BTAF1: variants seen among roughly 807,000 people sequenced by gnomAD.
BTAF1 encodes the protein TATA-binding protein-associated factor 172.
Under a neutral mutation model 227.1 loss-of-function variants are expected in BTAF1, and 38 were observed. The observed-to-expected ratio is 0.17, with a 90% CI of 0.13 to 0.22. The LOEUF (loss-of-function observed/expected upper bound fraction) is 0.22. Ranked by LOEUF, BTAF1 falls within the 10% of genes least tolerant of loss-of-function variation. The pLI, the probability that BTAF1 is intolerant of heterozygous loss-of-function variation, is 1.00. For synonymous variants in BTAF1, 742 were observed against 751.9 expected, an observed-to-expected ratio of 0.99 and a Z score of 0.21; for missense variants, 1,598 against 2,204.0, an observed-to-expected ratio of 0.73 and a Z score of 5.51.
intron 14 of BTAF1, among the ~76,000 whole-genome samples, chr10:91,979,481 T>G (rs1168137187): frequency 6.6e-6 from 1 of 152,164 alleles, no homozygotes; most frequent in Non-Finnish European, 1.5e-5. Flanking sequence ...TGGCTACAAA[T>G]TATAGGTAGC....
At position 92,014,041 on chromosome 10, in the gene BTAF1, C is replaced by A; in HGVS notation, c.4584+12C>A. ...TTAGTCCTCTCCAGGTTAGGAATCT[C>A]GTGTTTATCATTGTTAGTGGTATGT... On this transcript the variant is annotated intron_variant, in intron 32 of 37. Coordinates refer to ENST00000265990, the MANE Select transcript of BTAF1 (RefSeq NM_003972.3). 1.2e-6 allele frequency: 2 copies of A among 1,602,278 alleles called. No individual in the cohort carries two copies. Among genetic ancestry groups the A allele is most frequent in the Non-Finnish European group, 1.7e-6 (2 of 1,176,302 alleles).
intron 21 of BTAF1, among the ~76,000 whole-genome samples, chr10:91,993,245 C>T (rs965338118): frequency 3.3e-5 from 5 of 151,842 alleles, no homozygotes; most frequent in East Asian, 3.8e-4. Flanking sequence ...ATTTATGGAC[C>T]GTAATTACTG....
intron 5 of BTAF1, among the ~76,000 whole-genome samples, chr10:91,951,857 C>A (rs1273996482): frequency 6.6e-6 from 1 of 151,486 alleles, no homozygotes; most frequent in African/African-American, 2.4e-5. Flanking sequence ...TTGGTATGTT[C>A]TTTGATGTAG....
At chr10:91,943,125 C>G (rs1845125867) in intron 4 of BTAF1, among the ~76,000 whole-genome samples, 1 of 152,106 alleles carries the variant, frequency 6.6e-6, no homozygotes, top group African/African-American at 2.4e-5. Flanking sequence ...AGCAGCCTAA[C>G]CAACATGGCG....
At chr10:91,973,246 C>G (rs1847434037) in intron 14 of BTAF1, among the ~76,000 whole-genome samples, 1 of 152,186 alleles carries the variant, frequency 6.6e-6, no homozygotes. Flanking sequence ...GATCTGAGTT[C>G]TAACTTTGGC....
chr10:92,011,552 T>C (rs1589962517), intron 30 of BTAF1, 137 bp downstream of exon 30: 1 of 336,310 alleles, frequency 3.0e-6, no homozygotes, highest in Non-Finnish European at 5.1e-6. Flanking sequence ...AATTTTCCAG[T>C]ATATAATTAT....
chr10:92,029,673 T>G lies in BTAF1; in HGVS notation c.*740T>G, dbSNP rs777856989. 6.6e-6 allele frequency: 1 copy of G among 151,900 alleles called. No individual in the cohort carries two copies. Among genetic ancestry groups the G allele is most frequent in the Non-Finnish European group, 1.5e-5 (1 of 67,926 alleles). 9.4% of individuals were successfully genotyped at this position (151,900 alleles called of 1,614,324 possible). On this transcript the variant is annotated 3_prime_UTR_variant, in exon 38 of 38. Transcript: ENST00000265990. ...CAAATAACATATGTACTCAATAGGT[T>G]TCAATCATATATATAATATATTTTT...
chr10:91,985,338 G>A (rs1304130490), intron 19 of BTAF1, among the ~76,000 whole-genome samples: 1 of 151,780 alleles, frequency 6.6e-6, no homozygotes, highest in Non-Finnish European at 1.5e-5. Flanking sequence ...TATTGCTTGA[G>A]TTTTATTTCA....
In BTAF1 at chr10:92,000,484, A is replaced by G. The variant is rs147990720; in HGVS notation, c.3660+2733A>G. 4.5e-4 allele frequency among the ~76,000 whole-genome samples: 69 copies of G among 152,352 alleles called. No homozygotes were observed. The East Asian group carries it at 0.012, about 26-fold the overall frequency. ...GAAAGTGCGCCAAAATAGAGCTCAC[A>G]TCCACTGTGAGGTGATAAAGGGTCT... On this transcript the variant is annotated intron_variant, in intron 25 of 37. Coordinates refer to ENST00000265990, the MANE Select transcript of BTAF1 (RefSeq NM_003972.3).
At chr10:91,925,059 T>C (rs910731422) in intron 1 of BTAF1, among the ~76,000 whole-genome samples, 5 of 152,226 alleles carry the variant, frequency 3.3e-5, no homozygotes, top group African/African-American at 1.2e-4. Flanking sequence ...GCACAAGTTT[T>C]ATCTGTTTTG....
chr10:91,996,554 A>G lies in BTAF1; in HGVS notation c.3495A>G (p.Ala1165=). The G allele has an allele frequency of 6.2e-7, 1 of 1,614,160 alleles. No individual in the cohort carries two copies. The highest frequency in any genetic ancestry group is 2.2e-5 in the East Asian group (1 of 44,884). ...AIDDSVKQEG[A]IEALACVMEQ... is the part of the protein sequence containing the mutation. ...ATGACAGTGTCAAACAAGAGGGTGCAATTGAAGCACTTGCCTGTATCCTTT... is the reference window on the plus strand; with the variant it reads ...ATGACAGTGTCAAACAAGAGGGTGCGATTGAAGCACTTGCCTGTATCCTTT... Residue 1165 remains alanine (A), a synonymous_variant, in exon 24 of 38, where the codon GCA becomes GCG. Transcript: ENST00000265990.
At chr10:91,979,421 C>T (rs1331425006) in intron 14 of BTAF1, among the ~76,000 whole-genome samples, 1 of 152,016 alleles carries the variant, frequency 6.6e-6, no homozygotes, top group Non-Finnish European at 1.5e-5. Context: ...TGTTTCAAAC[C>T]ATGTTGAGAA....
intron 14 of BTAF1, among the ~76,000 whole-genome samples, chr10:91,968,835 A>G (rs933847587): frequency 3.3e-5 from 5 of 151,842 alleles, no homozygotes; most frequent in Non-Finnish European, 7.4e-5. Context: ...TCTACCTCTC[A>G]TCTTCGGTGA....
chr10:92,014,523 G>A (rs1265678578), intron 32 of BTAF1, among the ~76,000 whole-genome samples: 1 of 152,182 alleles, frequency 6.6e-6, no homozygotes, highest in Non-Finnish European at 1.5e-5. Context: ...CACCGTCCCA[G>A]CCTACAGTTG....
intron 36 of BTAF1, among the ~76,000 whole-genome samples, 178 bp downstream of exon 36, chr10:92,026,929 G>C (rs1851555515): frequency 1.3e-5 from 2 of 152,122 alleles, no homozygotes; most frequent in South Asian, 2.1e-4. Flanking sequence ...TGAGGTGCTA[G>C]CACTTAGGAA....
chr10:91,932,449 G>A (rs2133777610), intron 1 of BTAF1, among the ~76,000 whole-genome samples: 1 of 152,228 alleles, frequency 6.6e-6, no homozygotes, highest in Non-Finnish European at 1.5e-5. Context: ...CCTTAAAGTT[G>A]GTTCTTAAAC....
intron 14 of BTAF1, among the ~76,000 whole-genome samples, chr10:91,972,228 CTTGTCAACAT>C (rs1847352632): frequency 6.6e-6 from 1 of 152,174 alleles, no homozygotes; most frequent in Non-Finnish European, 1.5e-5. Context: ...ATACTTGGCT[CTTGTCAACAT>C]TTTCCCCTAA....
At chr10:91,959,718 AT>A (rs1430311048) in intron 9 of BTAF1, 66 bp from the exon 10 acceptor site, 7 of 346,580 alleles carry the variant, frequency 2.0e-5, no homozygotes, top group Non-Finnish European at 3.2e-5. Flanking sequence ...TGTTAAAAAA[AT>A]GTGTGTGTGT....
rs1163868336 is a variant in BTAF1 at position 91,931,397 on chromosome 10, A to G, written c.15-4260A>G. On this transcript the variant is annotated intron_variant, in intron 1 of 37. Transcript: ENST00000265990. ...TCTTCTATAGTCTTTGGTACCTTCC[A>G]TGCAACTTGACATCTGTTACCTGTG... 5.3e-5 allele frequency among the ~76,000 whole-genome samples: 8 copies of G among 152,320 alleles called. No individual in the cohort carries two copies. In the East Asian group the frequency reaches 1.4e-3, roughly 26 times the overall value.
Sources: allele counts gnomAD v4.1 joint callset (sites outside exome capture counted in the v4.1 genomes callset), GRCh38; gene constraint gnomAD v4.1.1; transcripts MANE v1.5; gene names NCBI Gene and HGNC (gene_info 2026-07-23, HGNC 2026-07-21).